ADAM22: variants seen among roughly 807,000 people sequenced by gnomAD.
The protein encoded by ADAM22 is disintegrin and metalloproteinase domain-containing protein 22.
A neutral mutation model predicts 144.6 loss-of-function variants in ADAM22; 65 were observed. That is an observed-to-expected ratio of 0.45 (90% confidence interval 0.37 to 0.55). The LOEUF (loss-of-function observed/expected upper bound fraction) is 0.55, where lower values mean the gene tolerates loss of function less well. Among genes scored for constraint, ADAM22 ranks in the 20% least tolerant of loss-of-function variants. The pLI, the probability that ADAM22 is intolerant of heterozygous loss-of-function variation, is 0.00. For missense variants in ADAM22, 974 were observed against 1,184.9 expected, an observed-to-expected ratio of 0.82 and a Z score of 2.61; for synonymous variants, 391 against 412.6, an observed-to-expected ratio of 0.95 and a Z score of 0.63.
intron 9 of ADAM22, among the ~76,000 whole-genome samples, chr7:88,129,839 A>G (rs572720368): frequency 6.6e-6 from 1 of 152,082 alleles, no homozygotes; most frequent in African/African-American, 2.4e-5. Flanking sequence ...TGGATTTTAC[A>G]TGATATTTCC....
chr7:88,038,569 C>T (rs187965706), intron 3 of ADAM22, among the ~76,000 whole-genome samples: 5,967 of 151,642 alleles, frequency 0.039, 142 homozygotes, highest in Middle Eastern at 0.058. Context: ...ATTCTCCTGC[C>T]TCAGCCTCCC....
At chr7:88,130,835 C>T (rs1831587148) in intron 10 of ADAM22, among the ~76,000 whole-genome samples, 1 of 152,094 alleles carries the variant, frequency 6.6e-6, no homozygotes, top group Admixed American at 6.6e-5. Context: ...TCCACTATAC[C>T]TCCATACTTC....
chr7:88,019,860 T>TGC (rs1797370173), intron 3 of ADAM22, among the ~76,000 whole-genome samples: 1 of 54,070 alleles, frequency 1.8e-5, no homozygotes, highest in African/African-American at 1.7e-4. Context: ...AAAAAATATG[T>TGC]GTGTGTGTGT....
chr7:88,005,959 T>A (rs887393582), intron 3 of ADAM22, among the ~76,000 whole-genome samples: 12 of 152,176 alleles, frequency 7.9e-5, no homozygotes, highest in Non-Finnish European at 1.6e-4. Flanking sequence ...AATTGCTTGA[T>A]ACACTACTGT....
At chr7:87,953,325 G>A (rs559113059) in intron 2 of ADAM22, among the ~76,000 whole-genome samples, 17 of 151,922 alleles carry the variant, frequency 1.1e-4, no homozygotes, top group Admixed American at 2.6e-4. Context: ...GTGTCCCAGA[G>A]ATTCTGGTAT....
chr7:88,082,138 C>A, intron 4 of ADAM22, among the ~76,000 whole-genome samples: 1 of 152,006 alleles, frequency 6.6e-6, no homozygotes, highest in Non-Finnish European at 1.5e-5. Context: ...CCAAAACAGA[C>A]ATATAGACCA....
intron 5 of ADAM22, among the ~76,000 whole-genome samples, chr7:88,114,065 A>G (rs1356122145): frequency 2.0e-5 from 3 of 152,062 alleles, no homozygotes; most frequent in Non-Finnish European, 2.9e-5. Flanking sequence ...AGATTAAATG[A>G]GTGTAAAGTA....
chr7:88,142,094 G>T (rs1455119998), intron 14 of ADAM22, among the ~76,000 whole-genome samples: 1 of 151,942 alleles, frequency 6.6e-6, no homozygotes, highest in South Asian at 2.1e-4. Flanking sequence ...TAATAACAAA[G>T]AAACTTTTTG....
At chr7:88,089,851 A>T (rs956108867) in intron 4 of ADAM22, 1 of 152,218 alleles carries the variant, frequency 6.6e-6, no homozygotes, top group Non-Finnish European at 1.5e-5. Flanking sequence ...CTGCTTTCCA[A>T]GTAAACAAGC....
intron 4 of ADAM22, among the ~76,000 whole-genome samples, chr7:88,088,082 CAT>C (rs1190654584): frequency 6.6e-6 from 1 of 152,096 alleles, no homozygotes; most frequent in East Asian, 1.9e-4. Context: ...GAAAGGAATA[CAT>C]AAGGGTGGGA....
chr7:88,003,644 T>C (rs1001352400), intron 3 of ADAM22, among the ~76,000 whole-genome samples: 6 of 152,190 alleles, frequency 3.9e-5, no homozygotes, highest in African/African-American at 1.2e-4. Flanking sequence ...AATCTCCAAA[T>C]GGAGGGCAGG....
chr7:88,067,464 A>T (rs1229039812), intron 3 of ADAM22, among the ~76,000 whole-genome samples: 2 of 151,820 alleles, frequency 1.3e-5, no homozygotes, highest in Non-Finnish European at 2.9e-5. Flanking sequence ...CAATGATCAG[A>T]TATGCCAACA....
intron 17 of ADAM22, 25 bp downstream of exon 17, chr7:88,145,532 G>C (rs781147388): frequency 6.4e-7 from 1 of 1,572,868 alleles, no homozygotes; most frequent in Admixed American, 1.7e-5. Context: ...ATGACCATTT[G>C]ACAGAAAAAA....
intron 4 of ADAM22, among the ~76,000 whole-genome samples, chr7:88,094,679 A>G (rs1052265766): frequency 1.3e-5 from 2 of 152,162 alleles, no homozygotes; most frequent in East Asian, 3.9e-4. Context: ...TGCTTTGGTA[A>G]TTCTGAGTGG....
chr7:88,095,418 C>T (rs948082886), intron 4 of ADAM22, among the ~76,000 whole-genome samples: 1 of 152,164 alleles, frequency 6.6e-6, no homozygotes, highest in African/African-American at 2.4e-5. Flanking sequence ...GTTCACCCAA[C>T]AGTATGTCAG....
chr7:88,111,087 A>T (rs1825921808), intron 5 of ADAM22, among the ~76,000 whole-genome samples: 1 of 151,988 alleles, frequency 6.6e-6, no homozygotes, highest in Admixed American at 6.6e-5. Context: ...AAATAAAAAT[A>T]AACAGAAAAC....
At chr7:87,980,514 C>T (rs1180246725) in intron 3 of ADAM22, among the ~76,000 whole-genome samples, 1 of 151,654 alleles carries the variant, frequency 6.6e-6, no homozygotes, top group East Asian at 1.9e-4. Context: ...AATTCTGGGG[C>T]TGTGGAACAT....
chr7:88,124,952 C>G (rs1830078407), intron 7 of ADAM22, among the ~76,000 whole-genome samples: 1 of 151,940 alleles, frequency 6.6e-6, no homozygotes, highest in African/African-American at 2.4e-5. Flanking sequence ...CTTAGGAAAT[C>G]TGTACCCTGT....
chr7:88,146,894 AAAG>A (rs1269264429), intron 17 of ADAM22, among the ~76,000 whole-genome samples: 1 of 152,180 alleles, frequency 6.6e-6, no homozygotes, highest in African/African-American at 2.4e-5. Flanking sequence ...ACTCTGTTAA[AAAG>A]AAGATTAAAC....
Sources: gnomAD v4.1 joint callset for allele counts (sites outside exome capture counted in the v4.1 genomes callset) on GRCh38, gnomAD v4.1.1 for gene constraint, MANE v1.5 for transcripts, NCBI Gene and HGNC (gene_info 2026-07-23, HGNC 2026-07-21) for gene names.